Variants in PRKAR2B observed in about 807,000 individuals in gnomAD.
PRKAR2B encodes cAMP-dependent protein kinase type II-beta regulatory subunit.
A neutral mutation model predicts 49.9 loss-of-function variants in PRKAR2B; 14 were observed. The ratio of observed to expected loss-of-function variants is 0.28; its 90% confidence interval spans 0.19 to 0.44. The LOEUF (loss-of-function observed/expected upper bound fraction) is 0.44. Among genes scored for constraint, PRKAR2B ranks in the 20% least tolerant of loss-of-function variants. PRKAR2B has a pLI of 1.00. For synonymous variants in PRKAR2B, 196 were observed against 197.7 expected (o/e 0.99, Z 0.07); for missense variants, 393 against 537.9 (o/e 0.73, Z 2.67).
chr7:107,075,692 T>A (rs1251493834), intron 2 of PRKAR2B, among the ~76,000 whole-genome samples: 1 of 152,040 alleles, frequency 6.6e-6, no homozygotes, highest in Non-Finnish European at 1.5e-5. Flanking sequence ...TGGATGAGTT[T>A]AAGGAAGCCC....
intron 5 of PRKAR2B, among the ~76,000 whole-genome samples, chr7:107,141,490 A>G (rs1795789087): frequency 6.6e-6 from 1 of 152,218 alleles, no homozygotes. Context: ...CAGGAGTTCA[A>G]GACCAGCCTG....
intron 2 of PRKAR2B, among the ~76,000 whole-genome samples, chr7:107,090,887 C>T (rs1350071000): frequency 1.3e-5 from 2 of 152,092 alleles, no homozygotes; most frequent in Non-Finnish European, 2.9e-5. Context: ...AGAATGGGAC[C>T]GTTATCTTGC....
Position 107,121,977 on chromosome 7 carries a change from TGAAGAA to T in PRKAR2B, c.375_380del (p.Glu125_Glu126del), listed in dbSNP as rs1795396610. On this transcript the variant is annotated inframe_deletion, in exon 3 of 11. Transcript: ENST00000265717. ...TATGTGCAGAAGCTTATAATCCTGATGAAGAAGAAGATGATGCAGAGTCCAGGGTAT... is the reference window on the plus strand; with the variant it reads ...TATGTGCAGAAGCTTATAATCCTGATGAAGATGATGCAGAGTCCAGGGTAT... The T allele has an allele frequency of 6.3e-7, 1 of 1,598,752 alleles. No homozygotes were observed. The highest frequency in any genetic ancestry group is 1.7e-5 in the Admixed American group (1 of 58,884).
At chr7:107,106,496 C>G (rs1484912267) in intron 2 of PRKAR2B, among the ~76,000 whole-genome samples, 1 of 152,230 alleles carries the variant, frequency 6.6e-6, no homozygotes, top group African/African-American at 2.4e-5. Context: ...ATATAAACTT[C>G]TCTGGATCCT....
intron 4 of PRKAR2B, among the ~76,000 whole-genome samples, chr7:107,136,664 G>A (rs1249654468): frequency 6.6e-6 from 1 of 152,204 alleles, no homozygotes; most frequent in Non-Finnish European, 1.5e-5. Context: ...AACACCAAAT[G>A]CTGGTGAACA....
At chr7:107,134,215 C>A (rs1795656758) in intron 4 of PRKAR2B, among the ~76,000 whole-genome samples, 1 of 151,846 alleles carries the variant, frequency 6.6e-6, no homozygotes, top group African/African-American at 2.4e-5. Flanking sequence ...TTTTAGTAGA[C>A]ATGGAGTTTG....
chr7:107,098,171 C>G (rs1411462302), intron 2 of PRKAR2B, among the ~76,000 whole-genome samples: 1 of 152,208 alleles, frequency 6.6e-6, no homozygotes, highest in Non-Finnish European at 1.5e-5. Context: ...TTTGGTCTTT[C>G]ACATAGTCCC....
In PRKAR2B at chr7:107,100,064, C is replaced by T. The variant is rs1794929450; in HGVS notation, c.344-21888C>T. ...TGGTTTATAAATATTTTATATCATT[C>T]TGTGGGTCACATATTTACCTTTTCT... On this transcript the variant is annotated intron_variant, in intron 2 of 10. Transcript: ENST00000265717. 2.6e-5 allele frequency among the ~76,000 whole-genome samples: 4 copies of T among 151,992 alleles called. No homozygotes were observed. The South Asian group carries it at 8.3e-4, about 32-fold the overall frequency.
At chr7:107,083,280 C>T (rs1303273945) in intron 2 of PRKAR2B, among the ~76,000 whole-genome samples, 1 of 150,990 alleles carries the variant, frequency 6.6e-6, no homozygotes, top group Non-Finnish European at 1.5e-5. Context: ...GGAATTTTAT[C>T]AAGGAATACA....
At chr7:107,055,454 C>T (rs1261939814) in intron 1 of PRKAR2B, among the ~76,000 whole-genome samples, 1 of 152,148 alleles carries the variant, frequency 6.6e-6, no homozygotes, top group Non-Finnish European at 1.5e-5. Flanking sequence ...TCCTATTTCT[C>T]CACATCCTCT....
chr7:107,064,652 C>T (rs975351222), intron 1 of PRKAR2B, among the ~76,000 whole-genome samples: 1 of 152,166 alleles, frequency 6.6e-6, no homozygotes, highest in East Asian at 1.9e-4. Flanking sequence ...TTATTCTGTC[C>T]TTGTACCTTT....
At chr7:107,089,194 A>G (rs771906991) in intron 2 of PRKAR2B, among the ~76,000 whole-genome samples, 4 of 152,156 alleles carry the variant, frequency 2.6e-5, no homozygotes, top group Non-Finnish European at 4.4e-5. Context: ...AAAAATAGTC[A>G]CATTTTACAC....
At chr7:107,087,636 T>G (rs1280046386) in intron 2 of PRKAR2B, among the ~76,000 whole-genome samples, 8 of 152,136 alleles carry the variant, frequency 5.3e-5, no homozygotes, top group Admixed American at 5.2e-4. Flanking sequence ...GAGACTGGAT[T>G]CAAATTCAGG....
chr7:107,145,362 A>G (rs1795870978), intron 5 of PRKAR2B, among the ~76,000 whole-genome samples: 1 of 152,234 alleles, frequency 6.6e-6, no homozygotes, highest in Non-Finnish European at 1.5e-5. Context: ...AAAGGACCCT[A>G]GTAAGTTTTG....
intron 2 of PRKAR2B, among the ~76,000 whole-genome samples, chr7:107,104,155 C>A (rs1232775677): frequency 1.3e-5 from 2 of 152,160 alleles, no homozygotes; most frequent in African/African-American, 4.8e-5. Flanking sequence ...CCTCAGCCTC[C>A]CAAGTAGCTA....
At chr7:107,154,563 G>C (rs1210079415) in intron 8 of PRKAR2B, among the ~76,000 whole-genome samples, 1 of 152,106 alleles carries the variant, frequency 6.6e-6, no homozygotes, top group African/African-American at 2.4e-5. Context: ...TTACATATTT[G>C]TTGTCTTTTA....
chr7:107,085,222 G>C (rs1171914539), intron 2 of PRKAR2B, among the ~76,000 whole-genome samples: 1 of 152,076 alleles, frequency 6.6e-6, no homozygotes, highest in African/African-American at 2.4e-5. Context: ...CAAGGGAGGT[G>C]GGCATGGATG....
intron 2 of PRKAR2B, among the ~76,000 whole-genome samples, chr7:107,071,047 G>GCAT (rs1562846428): frequency 6.6e-6 from 1 of 151,964 alleles, no homozygotes; most frequent in East Asian, 1.9e-4. Flanking sequence ...AGTTAAATGA[G>GCAT]TTTGGGCATT....
intron 6 of PRKAR2B, among the ~76,000 whole-genome samples, chr7:107,147,894 CATT>C (rs1285870208): frequency 3.9e-5 from 6 of 152,168 alleles, no homozygotes; most frequent in African/African-American, 1.4e-4. Flanking sequence ...GGAAGTCACA[CATT>C]ATTTAGTCAC....
Sources: gnomAD v4.1 joint callset for allele counts (sites outside exome capture counted in the v4.1 genomes callset) on GRCh38, gnomAD v4.1.1 for gene constraint, MANE v1.5 for transcripts, NCBI Gene and HGNC (gene_info 2026-07-23, HGNC 2026-07-21) for gene names.